The following EDIL3 variants were observed in gnomAD, a reference collection of about 807,000 sequenced individuals.
EDIL3 encodes EGF-like repeat and discoidin I-like domain-containing protein 3.
Under a neutral mutation model 67.4 loss-of-function variants are expected in EDIL3, and 37 were observed. That is an observed-to-expected ratio of 0.55 (90% CI 0.42 to 0.72). The LOEUF is 0.72. EDIL3 is among the 30% of genes least tolerant of loss of function. The pLI is 0.00. For synonymous variants in EDIL3, 195 were observed against 196.3 expected, an observed-to-expected ratio of 0.99 and a Z score of 0.05; for missense variants, 527 against 586.3, an observed-to-expected ratio of 0.90 and a Z score of 1.04.
chr5:84,198,365 T>A (rs1429511210), intron 3 of EDIL3, among the ~76,000 whole-genome samples: 1 of 151,950 alleles, frequency 6.6e-6, no homozygotes, highest in East Asian at 1.9e-4. Flanking sequence ...GATTTGGAAG[T>A]CTGAGATCCA....
intron 1 of EDIL3, among the ~76,000 whole-genome samples, chr5:84,283,479 T>C (rs1229209684): frequency 3.3e-5 from 5 of 152,148 alleles, no homozygotes; most frequent in African/African-American, 1.2e-4. Flanking sequence ...AGTGTGACTC[T>C]AGGTTTTCCT....
At chr5:84,135,394 G>C (rs754669816) in intron 5 of EDIL3, among the ~76,000 whole-genome samples, 10 of 152,182 alleles carry the variant, frequency 6.6e-5, no homozygotes, top group Non-Finnish European at 1.5e-5. Context: ...TTCCTGGAAG[G>C]TTCTCTATTC....
chr5:84,263,275 G>T (rs1435584128), intron 1 of EDIL3, among the ~76,000 whole-genome samples: 1 of 152,178 alleles, frequency 6.6e-6, no homozygotes, highest in Non-Finnish European at 1.5e-5. Flanking sequence ...GTGAGCACCA[G>T]TGTTGCACAG....
intron 1 of EDIL3, among the ~76,000 whole-genome samples, chr5:84,339,246 A>G (rs1192902205): frequency 6.6e-6 from 1 of 152,174 alleles, no homozygotes; most frequent in African/African-American, 2.4e-5. Flanking sequence ...TATAACAGGG[A>G]TAATGTAATT....
At chr5:84,034,744 AT>A (rs1745987177) in intron 9 of EDIL3, among the ~76,000 whole-genome samples, 1 of 152,186 alleles carries the variant, frequency 6.6e-6, no homozygotes, top group South Asian at 2.1e-4. Context: ...GGGATGGTGA[AT>A]TCATAGATCC....
At chr5:84,323,084 T>A (rs1368948404) in intron 1 of EDIL3, among the ~76,000 whole-genome samples, 1 of 152,078 alleles carries the variant, frequency 6.6e-6, no homozygotes, top group African/African-American at 2.4e-5. Flanking sequence ...AACTTTAATA[T>A]TTGTTTCCAC....
At chr5:84,383,943 C>T (rs1056341309) in intron 1 of EDIL3, among the ~76,000 whole-genome samples, 2 of 152,174 alleles carry the variant, frequency 1.3e-5, no homozygotes, top group Admixed American at 1.3e-4. Flanking sequence ...GAAAGCCCTG[C>T]CCGACGTCTG....
At chr5:84,247,620 A>G (rs1370456068) in intron 2 of EDIL3, among the ~76,000 whole-genome samples, 2 of 152,186 alleles carry the variant, frequency 1.3e-5, no homozygotes, top group African/African-American at 4.8e-5. Flanking sequence ...GGAGGGTAAC[A>G]CATTTAATAG....
intron 4 of EDIL3, among the ~76,000 whole-genome samples, chr5:84,149,017 A>G (rs1472934090): frequency 6.6e-6 from 1 of 151,406 alleles, no homozygotes; most frequent in Non-Finnish European, 1.5e-5. Context: ...GTGAGACAAC[A>G]GTGTTGAACA....
At chr5:84,362,840 A>C (rs1299643989) in intron 1 of EDIL3, among the ~76,000 whole-genome samples, 1 of 152,214 alleles carries the variant, frequency 6.6e-6, no homozygotes, top group African/African-American at 2.4e-5. Flanking sequence ...ATTATGGGAA[A>C]TACAAAACAA....
chr5:84,041,288 C>A (rs922170619), intron 9 of EDIL3, among the ~76,000 whole-genome samples: 1 of 151,972 alleles, frequency 6.6e-6, no homozygotes, highest in Admixed American at 6.6e-5. Context: ...CCAACACAGA[C>A]CTAATAACAT....
intron 9 of EDIL3, among the ~76,000 whole-genome samples, chr5:84,050,338 C>G (rs1396643815): frequency 6.6e-6 from 1 of 152,036 alleles, no homozygotes; most frequent in Non-Finnish European, 1.5e-5. Flanking sequence ...TGAGGCAGTT[C>G]CAACATGGCA....
chr5:84,206,365 G>C (rs978216757), intron 3 of EDIL3, among the ~76,000 whole-genome samples: 4 of 151,912 alleles, frequency 2.6e-5, no homozygotes, highest in African/African-American at 9.7e-5. Flanking sequence ...GGTGTGGTGT[G>C]GTGCTGAAAA....
At chr5:84,111,016 C>T (rs547122609) in intron 5 of EDIL3, among the ~76,000 whole-genome samples, 132 of 152,142 alleles carry the variant, frequency 8.7e-4, no homozygotes, top group African/African-American at 2.9e-3. Flanking sequence ...ATCATGGGGA[C>T]GGGCTTCCTC....
chr5:84,370,793 T>C (rs1323322549), intron 1 of EDIL3, among the ~76,000 whole-genome samples: 1 of 152,184 alleles, frequency 6.6e-6, no homozygotes, highest in Non-Finnish European at 1.5e-5. Flanking sequence ...ATTTGTACCA[T>C]GATTCACAAG....
intron 4 of EDIL3, among the ~76,000 whole-genome samples, chr5:84,146,113 C>T (rs936187598): frequency 2.0e-5 from 3 of 152,124 alleles, no homozygotes; most frequent in Non-Finnish European, 2.9e-5. Flanking sequence ...AACAGCACTA[C>T]AGGATGGCAG....
intron 9 of EDIL3, among the ~76,000 whole-genome samples, chr5:83,998,919 T>G (rs553757466): frequency 3.3e-5 from 5 of 152,274 alleles, no homozygotes; most frequent in African/African-American, 9.6e-5. Flanking sequence ...TCCCCAGTTC[T>G]GGGCAGCTCA....
At chr5:84,134,416 G>A (rs1046457297) in intron 5 of EDIL3, among the ~76,000 whole-genome samples, 9 of 152,136 alleles carry the variant, frequency 5.9e-5, no homozygotes, top group Admixed American at 1.3e-4. Context: ...AAGTCCAGAA[G>A]AAAGGTTGTC....
At chr5:84,199,925 G>A (rs1743796868) in intron 3 of EDIL3, among the ~76,000 whole-genome samples, 1 of 152,046 alleles carries the variant, frequency 6.6e-6, no homozygotes, top group South Asian at 2.1e-4. Flanking sequence ...GCCAAACTGA[G>A]AGCAACTAAA....
Sources: gnomAD v4.1 joint callset for allele counts (sites outside exome capture counted in the v4.1 genomes callset) on GRCh38, gnomAD v4.1.1 for gene constraint, MANE v1.5 for transcripts, NCBI Gene and HGNC (gene_info 2026-07-23, HGNC 2026-07-21) for gene names.